The following HSD17B4 variants were observed in gnomAD, a reference collection of about 807,000 sequenced individuals.
The protein encoded by HSD17B4 is hydroxysteroid 17-beta dehydrogenase 4, also known as peroxisomal multifunctional enzyme type 2.
In HSD17B4, 70 loss-of-function variants were observed where a neutral mutation model predicts 101.0. The ratio of observed to expected loss-of-function variants is 0.69; its 90% CI spans 0.57 to 0.85. HSD17B4 has a LOEUF of 0.85. Ranked by LOEUF, HSD17B4 falls within the 40% of genes least tolerant of loss-of-function variation. The pLI, the probability that HSD17B4 is intolerant of heterozygous loss-of-function variation, is 0.00. For missense variants in HSD17B4, 984 were observed against 892.4 expected (o/e 1.10, Z -1.31); for synonymous variants, 347 against 297.1 (o/e 1.17, Z -1.73).
chr5:119,524,227 G>A (rs1342900974), intron 17 of HSD17B4, among the ~76,000 whole-genome samples: 1 of 151,784 alleles, frequency 6.6e-6, no homozygotes, highest in Non-Finnish European at 1.5e-5. Context: ...GGAGTCATGG[G>A]GAAGGAAAAG....
intron 2 of HSD17B4, among the ~76,000 whole-genome samples, chr5:119,462,739 A>G (rs768786735): frequency 6.6e-5 from 10 of 152,166 alleles, no homozygotes; most frequent in Non-Finnish European, 1.2e-4. Context: ...TAATTGACAC[A>G]TACATATTTA....
At chr5:119,537,137 G>T (rs534068547) in intron 23 of HSD17B4, among the ~76,000 whole-genome samples, 1 of 152,166 alleles carries the variant, frequency 6.6e-6, no homozygotes, top group South Asian at 2.1e-4. Flanking sequence ...CTAACTTATT[G>T]ATTCTTAGAA....
chr5:119,452,533 G>A lies in HSD17B4; in HGVS notation c.-43G>A. On this transcript the variant is annotated 5_prime_UTR_variant, in exon 1 of 24. Transcript: ENST00000510025. ...CCTCCTGTCCCGCAGTCGGCGTCCAGCGGCTCTGCTTGTTCGTGTGTGTGT... is the reference window on the plus strand; with the variant it reads ...CCTCCTGTCCCGCAGTCGGCGTCCAACGGCTCTGCTTGTTCGTGTGTGTGT... 6.2e-7 allele frequency: 1 copy of A among 1,613,584 alleles called. No homozygotes were observed. The highest frequency in any genetic ancestry group is 8.5e-7 in the Non-Finnish European group (1 of 1,179,992).
At chr5:119,461,125 T>TA (rs764322086) in intron 2 of HSD17B4, among the ~76,000 whole-genome samples, 3 of 152,190 alleles carry the variant, frequency 2.0e-5, no homozygotes, top group Non-Finnish European at 4.4e-5. Flanking sequence ...GCAATGTACA[T>TA]AATAGTCATC....
At chr5:119,513,201 A>G (rs1328538314) in intron 16 of HSD17B4, among the ~76,000 whole-genome samples, 2 of 152,224 alleles carry the variant, frequency 1.3e-5, no homozygotes. Flanking sequence ...TGTGCAATGC[A>G]GAAACATGCA....
At chr5:119,504,374 C>A (rs1343036046) in intron 14 of HSD17B4, among the ~76,000 whole-genome samples, 1 of 152,132 alleles carries the variant, frequency 6.6e-6, no homozygotes, top group African/African-American at 2.4e-5. Flanking sequence ...TTCATGGTAG[C>A]TGTACTAATT....
intron 21 of HSD17B4, 86 bp from the exon 22 acceptor site, chr5:119,531,180 C>A (rs1241603663): frequency 2.9e-6 from 4 of 1,382,918 alleles, no homozygotes; most frequent in East Asian, 4.6e-5. Context: ...TTTAAAAAAT[C>A]TTTTTTTTGC....
intron 22 of HSD17B4, among the ~76,000 whole-genome samples, chr5:119,535,291 A>G (rs887166721): frequency 3.4e-4 from 51 of 152,024 alleles, no homozygotes; most frequent in African/African-American, 6.3e-4. Flanking sequence ...TAATATTTCA[A>G]TTGTCCCAAT....
chr5:119,464,669 T>G (rs1755634720), intron 2 of HSD17B4: 1 of 151,624 alleles, frequency 6.6e-6, no homozygotes, highest in Non-Finnish European at 1.5e-5. Flanking sequence ...CTCGGCTCAC[T>G]GCAACCTTCA....
intron 17 of HSD17B4, among the ~76,000 whole-genome samples, chr5:119,523,582 C>G (rs967209644): frequency 6.6e-6 from 1 of 151,988 alleles, no homozygotes; most frequent in Non-Finnish European, 1.5e-5. Context: ...CTATAGAAAG[C>G]AATGCTATCA....
intron 2 of HSD17B4, among the ~76,000 whole-genome samples, chr5:119,473,066 GA>G (rs1411853695): frequency 2.6e-5 from 4 of 151,982 alleles, no homozygotes; most frequent in Non-Finnish European, 5.9e-5. Context: ...TAGCTATTGT[GA>G]ATTGTGTTGC....
intron 2 of HSD17B4, among the ~76,000 whole-genome samples, chr5:119,469,148 C>A (rs1428106494): frequency 6.6e-6 from 1 of 151,378 alleles, no homozygotes; most frequent in Non-Finnish European, 1.5e-5. Context: ...CTTGTATTAT[C>A]TATCTATATT....
At chr5:119,498,287 T>A (rs530800056) in intron 12 of HSD17B4, among the ~76,000 whole-genome samples, 1 of 152,340 alleles carries the variant, frequency 6.6e-6, no homozygotes, top group East Asian at 1.9e-4. Context: ...CAAACCTTTT[T>A]GATGAAGGGC....
chr5:119,457,565 T>G (rs1195173135), intron 2 of HSD17B4, among the ~76,000 whole-genome samples: 2 of 152,230 alleles, frequency 1.3e-5, no homozygotes, highest in Admixed American at 1.3e-4. Flanking sequence ...ATTGTATTAT[T>G]TGGACAGCGA....
intron 22 of HSD17B4, among the ~76,000 whole-genome samples, chr5:119,532,458 T>C (rs559028132): frequency 1.3e-5 from 2 of 152,128 alleles, no homozygotes; most frequent in East Asian, 1.9e-4. Flanking sequence ...TTTTAGAAAA[T>C]AGTATGGCTG....
intron 2 of HSD17B4, among the ~76,000 whole-genome samples, chr5:119,459,652 G>A (rs1323918296): frequency 6.6e-6 from 1 of 152,124 alleles, no homozygotes; most frequent in Non-Finnish European, 1.5e-5. Flanking sequence ...CCTTTCTGGT[G>A]GGGACTCTGT....
At chr5:119,473,294 TTTAC>T (rs1315649246) in intron 2 of HSD17B4, among the ~76,000 whole-genome samples, 5 of 146,978 alleles carry the variant, frequency 3.4e-5, no homozygotes, top group Admixed American at 3.4e-4. Context: ...TTTTTTTTTT[TTTAC>T]TTTTCTTCCC....
chr5:119,494,320 C>CTT (rs879743158), intron 11 of HSD17B4, among the ~76,000 whole-genome samples: 1 of 148,424 alleles, frequency 6.7e-6, no homozygotes, highest in East Asian at 2.0e-4. Flanking sequence ...TCCTTTCTTT[C>CTT]TTTCTTTTCT....
intron 17 of HSD17B4, among the ~76,000 whole-genome samples, chr5:119,523,751 T>G (rs1197555045): frequency 2.0e-5 from 3 of 152,178 alleles, no homozygotes; most frequent in Non-Finnish European, 2.9e-5. Flanking sequence ...TAACATTTAT[T>G]GAGGTATTAT....
Sources: allele counts gnomAD v4.1 joint callset (sites outside exome capture counted in the v4.1 genomes callset), GRCh38; gene constraint gnomAD v4.1.1; transcripts MANE v1.5; gene names NCBI Gene and HGNC (gene_info 2026-07-23, HGNC 2026-07-21).